GAB4: variants seen among roughly 807,000 people sequenced by gnomAD.
The protein encoded by GAB4 is GRB2-associated-binding protein 4.
A neutral mutation model predicts 51.3 loss-of-function variants in GAB4; 26 were observed. The observed-to-expected ratio is 0.51, with a 90% CI of 0.37 to 0.70. The LOEUF is 0.70. Among genes scored for constraint, GAB4 ranks in the 30% least tolerant of loss-of-function variants. The probability of loss-of-function intolerance (pLI) is 0.00; values close to 1 mark genes in which losing one functional copy is unlikely to be tolerated. For synonymous variants in GAB4, 329 were observed against 291.2 expected, an observed-to-expected ratio of 1.13 and a Z score of -1.32; for missense variants, 759 against 734.6, an observed-to-expected ratio of 1.03 and a Z score of -0.38.
intron 1 of GAB4, among the ~76,000 whole-genome samples, chr22:16,994,125 C>A (rs1374750011): frequency 6.6e-6 from 1 of 152,150 alleles, no homozygotes; most frequent in African/African-American, 2.4e-5. Flanking sequence ...AGTTTTTCTA[C>A]CCTCTTTACC....
chr22:16,968,205 T>G, intron 5 of GAB4, 93 bp downstream of exon 5: 2 of 882,646 alleles, frequency 2.3e-6, no homozygotes, highest in Non-Finnish European at 3.8e-6. Context: ...AGGGAGATGC[T>G]GTCACCCTTT....
rs766517716 is a variant in GAB4, at chr22:16,962,882, G to A, written c.1582-6C>T. On this transcript the variant is annotated splice_region_variant and splice_polypyrimidine_tract_variant and intron_variant, in intron 9 of 9. Transcript: ENST00000400588. ...GTGACAGAGCCTATGGATGGCTGAG[G>A]GACAGAGGGTGGAAGTGGGAGTGGC... is the stretch of plus-strand genomic sequence containing the variant. The A allele has an allele frequency of 2.8e-5, 45 of 1,610,384 alleles. No homozygotes were observed. Among genetic ancestry groups the A allele is most frequent in the Non-Finnish European group, 3.6e-5 (42 of 1,177,762 alleles).
At chr22:16,997,906 C>A (rs2060963222) in intron 1 of GAB4, among the ~76,000 whole-genome samples, 1 of 152,150 alleles carries the variant, frequency 6.6e-6, no homozygotes, top group Non-Finnish European at 1.5e-5. Flanking sequence ...ATAGGGAATC[C>A]TTTCCCCATT....
intron 1 of GAB4, among the ~76,000 whole-genome samples, chr22:16,995,496 A>G (rs1446761405): frequency 6.6e-6 from 1 of 152,012 alleles, no homozygotes. Flanking sequence ...TGGGTCCCTG[A>G]CCCCTGTCCC....
chr22:16,967,902 G>GT, intron 5 of GAB4, among the ~76,000 whole-genome samples: 1 of 152,182 alleles, frequency 6.6e-6, no homozygotes, highest in African/African-American at 2.4e-5. Flanking sequence ...CCTGGATAAG[G>GT]TTGCTGAATC....
intron 8 of GAB4, among the ~76,000 whole-genome samples, chr22:16,964,234 C>T (rs1297729585): frequency 6.6e-6 from 1 of 152,204 alleles, no homozygotes; most frequent in African/African-American, 2.4e-5. Flanking sequence ...CTTGCTGGGA[C>T]ATTCCTGAAG....
Position 16,968,076 on chromosome 22 carries a change from T to C in GAB4, c.1023+222A>G, listed in dbSNP as rs143950816. On this transcript the variant is annotated intron_variant, in intron 5 of 9. Coordinates refer to ENST00000400588, the MANE Select transcript of GAB4 (RefSeq NM_001037814.1). The stretch of plus-strand genomic sequence containing the variant: ...CTGCTACCCACAGGGCTGGTAAGAC[T>C]TGTGATCCCATCTACTTAAGTACTC... 1.7e-3 allele frequency among the ~76,000 whole-genome samples: 253 copies of C among 152,294 alleles called. 2 individuals carry two copies. The highest frequency in any genetic ancestry group is 3.1e-4 in the Non-Finnish European group (21 of 68,012).
intron 1 of GAB4, among the ~76,000 whole-genome samples, chr22:17,005,824 C>T (rs1315259071): frequency 6.6e-6 from 1 of 152,176 alleles, no homozygotes; most frequent in African/African-American, 2.4e-5. Context: ...GGACCCCTTC[C>T]TTATATCTTA....
intron 2 of GAB4, 38 bp from the exon 3 acceptor site, chr22:16,988,205 A>G: frequency 6.9e-7 from 1 of 1,443,556 alleles, no homozygotes; most frequent in Non-Finnish European, 9.7e-7. Flanking sequence ...TCCTTGTCCT[A>G]AAGTGGGCTG....
chr22:16,987,306 T>C (rs562780897), intron 3 of GAB4, among the ~76,000 whole-genome samples: 1 of 152,286 alleles, frequency 6.6e-6, no homozygotes, highest in Non-Finnish European at 1.5e-5. Flanking sequence ...TAACAGGTGA[T>C]AAAACTGGTG....
chr22:17,007,153 C>G (rs1426966399), intron 1 of GAB4, among the ~76,000 whole-genome samples: 2 of 152,290 alleles, frequency 1.3e-5, no homozygotes, highest in East Asian at 3.9e-4. Context: ...GGCTAAGGAA[C>G]AGGAGAGAAA....
At chr22:16,981,948 A>T (rs1483651285) in intron 3 of GAB4, among the ~76,000 whole-genome samples, 1 of 152,248 alleles carries the variant, frequency 6.6e-6, no homozygotes, top group East Asian at 1.9e-4. Context: ...TAATAGATTC[A>T]AAAACAAAAA....
intron 9 of GAB4, 70 bp from the exon 10 acceptor site, chr22:16,962,946 G>T: frequency 6.8e-7 from 1 of 1,469,390 alleles, no homozygotes; most frequent in Non-Finnish European, 9.3e-7. Context: ...GCAGGCCAAG[G>T]AGTGGGCTCT....
intron 1 of GAB4, among the ~76,000 whole-genome samples, chr22:17,003,728 G>A (rs2061016802): frequency 6.6e-6 from 1 of 152,116 alleles, no homozygotes; most frequent in South Asian, 2.1e-4. Flanking sequence ...GAGAAAGCAG[G>A]AAAGATCTAA....
intron 1 of GAB4, among the ~76,000 whole-genome samples, chr22:17,005,433 A>G (rs1223411238): frequency 2.6e-5 from 4 of 152,240 alleles, no homozygotes; most frequent in African/African-American, 9.6e-5. Context: ...TGCCCAAAGT[A>G]ATTTACAGAT....
At position 16,988,090 on chromosome 22, in the gene GAB4, G is replaced by A; in HGVS notation, c.556C>T (p.Leu186Phe). Residue 186 changes from leucine to phenylalanine, a missense_variant, in exon 3 of 10, where the codon CTC becomes TTC. Physicochemically the swap from Leu to Phe is conservative, Grantham distance 22. This residue lies in a region of GAB4 where 588 missense variants were observed against 510.2 expected (regional missense o/e 1.15). Coordinates refer to ENST00000400588, the MANE Select transcript of GAB4 (RefSeq NM_001037814.1). ...GATGTGGGTTCTTGTTCTTGGGGGA[G>A]GTGCTGATGGGAGCAGCTGGGCTCA... ...PAEPSCSHQH[L>F]PQEQEPTSEP... is the part of the protein sequence containing the mutation. 1 of 1,609,202 alleles carries A rather than the reference G, an allele frequency of 6.2e-7. No individual in the cohort carries two copies.
intron 4 of GAB4, 134 bp from the exon 5 acceptor site, chr22:16,968,517 G>A (rs1219917598): frequency 4.4e-6 from 3 of 677,238 alleles, no homozygotes; most frequent in African/African-American, 1.8e-5. Context: ...ATGACAAAGC[G>A]TTACCTCTAA....
At chr22:17,006,556 C>T (rs1464093244) in intron 1 of GAB4, among the ~76,000 whole-genome samples, 2 of 152,126 alleles carry the variant, frequency 1.3e-5, no homozygotes, top group African/African-American at 4.8e-5. Context: ...CAAGTGCACC[C>T]GTATGTTTAT....
intron 2 of GAB4, among the ~76,000 whole-genome samples, chr22:16,991,619 G>A (rs1283001770): frequency 6.6e-6 from 1 of 152,206 alleles, no homozygotes; most frequent in Admixed American, 6.5e-5. Context: ...AGTAGAAGGC[G>A]AAGGAGAGGT....
Sources: allele counts gnomAD v4.1 joint callset (sites outside exome capture counted in the v4.1 genomes callset), GRCh38; gene constraint gnomAD v4.1.1; regional missense constraint gnomAD v4.1.1; transcripts MANE v1.5; gene names NCBI Gene and HGNC (gene_info 2026-07-23, HGNC 2026-07-21).